Variants in OR8J1 observed in about 807,000 individuals in gnomAD.
OR8J1 encodes olfactory receptor 8J1.
For missense variants in OR8J1, 400 were observed against 373.0 expected (o/e 1.07, Z -0.60); for synonymous variants, 157 against 144.3 (o/e 1.09, Z -0.63).
intron 1 of OR8J1, among the ~76,000 whole-genome samples, chr11:56,358,636 GT>G (rs1852593027): frequency 6.6e-6 from 1 of 152,144 alleles, no homozygotes; most frequent in African/African-American, 2.4e-5. Flanking sequence ...AACATACCAT[GT>G]GAAAATATTC....
chr11:56,360,937 T>C lies in OR8J1; in HGVS notation c.691T>C (p.Ser231Pro), dbSNP rs1852630171. The change falls in exon 2 of 2, where the codon TCA becomes CCA. Residue 231 changes from serine (S) to proline (P), a missense_variant. By Grantham distance (74) the Ser-to-Pro change is moderately conservative (BLOSUM62 -1). Coordinates refer to ENST00000533152, the MANE Select transcript of OR8J1 (RefSeq NM_001005205.3). ...TTTGTCTATTTTAAAAATATGTTCA[T>C]CAGAAGGAAGGAAAAAAGCCTTTTC... is the stretch of plus-strand genomic sequence containing the variant. ...IVLSILKICS[S>P]EGRKKAFSTC... The C allele has an allele frequency of 6.7e-7, 1 of 1,482,992 alleles. No homozygotes were observed. Among genetic ancestry groups the C allele is most frequent in the Non-Finnish European group, 8.9e-7 (1 of 1,120,326 alleles). 91.9% of individuals were successfully genotyped at this position (1,482,992 alleles called of 1,614,324 possible).
In OR8J1 at chr11:56,357,380, A is replaced by T. The variant is rs1186191976; in HGVS notation, c.-20-2847A>T. The T allele has an allele frequency of 1.8e-5, 14 of 766,328 alleles. No individual in the cohort carries two copies. In the East Asian group the frequency reaches 3.5e-4, roughly 19 times the overall value. The allele number at this position is 766,328 out of a possible 1,614,324, so 47.5% of individuals were successfully genotyped here. Reference sequence around the variant, plus strand: ...TACTTTAAGAGATATACCAAGTGAAATTTAGAAGACGACGAGAGGGTAAAA... The same window carrying T: ...TACTTTAAGAGATATACCAAGTGAATTTTAGAAGACGACGAGAGGGTAAAA... On this transcript the variant is annotated intron_variant, in intron 1 of 1. Transcript: ENST00000533152.
intron 1 of OR8J1, among the ~76,000 whole-genome samples, chr11:56,359,650 A>G (rs965338170): frequency 6.6e-6 from 1 of 152,132 alleles, no homozygotes; most frequent in African/African-American, 2.4e-5. Flanking sequence ...AATAAATGTG[A>G]GGGCATATCT....
intron 1 of OR8J1, 55 bp from the exon 2 acceptor site, chr11:56,360,172 G>T: frequency 6.0e-6 from 7 of 1,164,994 alleles, no homozygotes; most frequent in Non-Finnish European, 7.3e-6. Context: ...GCCATATAAG[G>T]GCAGTCCTGC....
rs1565120968 is a variant in OR8J1, at chr11:56,360,620, C to T, written c.374C>T (p.Ala125Val). The change falls in exon 2 of 2, where the codon GCT (alanine) becomes GTT (valine). Residue 125 changes from alanine to valine, a missense_variant. Coordinates refer to ENST00000533152, the MANE Select transcript of OR8J1 (RefSeq NM_001005205.3). ...TTGATGGCCTATGACCGCTATGTGGCTATTTGTAACCCTCTGCTGTACATG... is the reference window on the plus strand; with the variant it reads ...TTGATGGCCTATGACCGCTATGTGGTTATTTGTAACCCTCTGCTGTACATG... ...LALMAYDRYV[A>V]ICNPLLYMVV... 6.2e-7 allele frequency: 1 copy of T among 1,613,216 alleles called. No individual in the cohort carries two copies. Among genetic ancestry groups the T allele is most frequent in the East Asian group, 2.2e-5 (1 of 44,864 alleles).
chr11:56,360,326 T>A lies in OR8J1; in HGVS notation c.80T>A (p.Leu27His). The A allele has an allele frequency of 6.2e-7, 1 of 1,613,974 alleles. No homozygotes were observed. The highest frequency in any genetic ancestry group is 1.7e-5 in the Admixed American group (1 of 59,978). ...VSSCPELQIP[L>H]FLVFLVLYGL... Reference sequence around the variant, plus strand: ...AGCTGTCCAGAGCTCCAGATTCCCCTCTTCCTGGTCTTTCTGGTGCTCTAT... The same window carrying A: ...AGCTGTCCAGAGCTCCAGATTCCCCACTTCCTGGTCTTTCTGGTGCTCTAT... Residue 27 changes from leucine (L) to histidine (H), a missense_variant, in exon 2 of 2, where the codon CTC becomes CAC. Transcript: ENST00000533152.
At chr11:56,357,694 A>G (rs745760639) in intron 1 of OR8J1, 132 of 1,584,880 alleles carry the variant, frequency 8.3e-5, no homozygotes, top group Non-Finnish European at 1.1e-4. Context: ...GGCCAAGTGG[A>G]GGCGACTAGT....
At position 56,361,097 on chromosome 11, in the gene OR8J1, C is replaced by A; in HGVS notation, c.851C>A (p.Pro284His). Residue 284 changes from proline (P) to histidine (H), a missense_variant, in exon 2 of 2, where the codon CCT (proline) becomes CAT (histidine). Physicochemically the swap from Pro to His is moderately conservative, Grantham distance 77 (BLOSUM62 -2). Coordinates refer to ENST00000533152, the MANE Select transcript of OR8J1 (RefSeq NM_001005205.3). ...TCTGTGTTTTACACGTTGGTAATTC[C>A]TATGCTGAATCCCTTGATCTACAGC... ...MASVFYTLVIPMLNPLIYSLR... is the reference protein window; with the variant it reads ...MASVFYTLVIHMLNPLIYSLR... The A allele has an allele frequency of 6.6e-7, 1 of 1,511,916 alleles. No individual in the cohort carries two copies. Among genetic ancestry groups the A allele is most frequent in the South Asian group, 1.4e-5 (1 of 69,894 alleles). 93.7% of individuals were successfully genotyped at this position (1,511,916 alleles called of 1,614,324 possible). A position where few individuals can be genotyped will look rare whatever the true frequency, so the allele number is the denominator to read the frequency against.
chr11:56,357,699 A>G (rs1236952231), intron 1 of OR8J1: 1 of 1,585,160 alleles, frequency 6.3e-7, no homozygotes, highest in Non-Finnish European at 8.6e-7. Flanking sequence ...AGTGGAGGCG[A>G]CTAGTGATGA....
rs919216713 is a variant in OR8J1 at position 56,361,008 on chromosome 11, A to T, written c.762A>T (p.Thr254=). 2.0e-6 allele frequency: 3 copies of T among 1,495,482 alleles called. No homozygotes were observed. Among genetic ancestry groups the T allele is most frequent in the East Asian group, 4.7e-5 (2 of 42,206 alleles). 92.6% of individuals were successfully genotyped at this position (1,495,482 alleles called of 1,614,324 possible). ...TGGCAGTCACAATTTTTTATGGGAC[A>T]TTGCTATTCATGTATGTGCAGCCCC... is the stretch of plus-strand genomic sequence containing the variant. ...HMMAVTIFYG[T]LLFMYVQPRS... Residue 254 remains threonine, a synonymous_variant, in exon 2 of 2, where the codon ACA becomes ACT. Transcript: ENST00000533152.
chr11:56,355,731 C>T (rs988038817), intron 1 of OR8J1, among the ~76,000 whole-genome samples: 10 of 152,248 alleles, frequency 6.6e-5, no homozygotes, highest in East Asian at 1.9e-4. Context: ...TATCTTTCTA[C>T]GCTCTCAATT....
chr11:56,358,903 A>C (rs1051113050), intron 1 of OR8J1, among the ~76,000 whole-genome samples: 14 of 152,188 alleles, frequency 9.2e-5, no homozygotes, highest in African/African-American at 3.1e-4. Flanking sequence ...GTTTGGTTTG[A>C]GAATCAAACT....
chr11:56,360,511 A>G lies in OR8J1; in HGVS notation c.265A>G (p.Lys89Glu). 1 of 1,614,172 alleles carries G rather than the reference A, an allele frequency of 6.2e-7. No individual in the cohort carries two copies. Among genetic ancestry groups the G allele is most frequent in the Non-Finnish European group, 8.5e-7 (1 of 1,180,026 alleles). Residue 89 changes from lysine (K) to glutamate (E), a missense_variant, in exon 2 of 2, where the codon AAG becomes GAG. Coordinates refer to ENST00000533152, the MANE Select transcript of OR8J1 (RefSeq NM_001005205.3). Reference sequence around the variant, plus strand: ...AATGCTGATTAACTTTTTAGTAAAGAAGAAAACTACCTCATTCTATGAATG... The same window carrying G: ...AATGCTGATTAACTTTTTAGTAAAGGAGAAAACTACCTCATTCTATGAATG... ...PKMLINFLVKKKTTSFYECAT... is the reference protein window; with the variant it reads ...PKMLINFLVKEKTTSFYECAT...
Position 56,361,096 on chromosome 11 carries a change from C to A in OR8J1, c.850C>A (p.Pro284Thr). The A allele has an allele frequency of 6.6e-7, 1 of 1,510,526 alleles. No homozygotes were observed. The highest frequency in any genetic ancestry group is 8.8e-7 in the Non-Finnish European group (1 of 1,137,368). 93.6% of individuals were successfully genotyped at this position (1,510,526 alleles called of 1,614,324 possible). The change falls in exon 2 of 2, where the codon CCT (proline) becomes ACT (threonine). Residue 284 changes from proline to threonine, a missense_variant. Transcript: ENST00000533152. ...TTCTGTGTTTTACACGTTGGTAATTCCTATGCTGAATCCCTTGATCTACAG... is the reference window on the plus strand; with the variant it reads ...TTCTGTGTTTTACACGTTGGTAATTACTATGCTGAATCCCTTGATCTACAG... ...MASVFYTLVI[P>T]MLNPLIYSLR...
At chr11:56,355,067 G>T (rs559919799) in intron 1 of OR8J1, among the ~76,000 whole-genome samples, 1 of 151,786 alleles carries the variant, frequency 6.6e-6, no homozygotes, top group African/African-American at 2.4e-5. Flanking sequence ...ATTATCAAGA[G>T]GAATATAGAA....
At chr11:56,360,165 A>G in intron 1 of OR8J1, 62 bp from the exon 2 acceptor site, 2 of 1,094,630 alleles carry the variant, frequency 1.8e-6, no homozygotes, top group South Asian at 1.6e-5. Context: ...TGTCCTAGCC[A>G]TATAAGGGCA....
rs370213627 is a variant in OR8J1 at position 56,360,943 on chromosome 11, G to A, written c.697G>A (p.Gly233Arg). 5 of 1,474,620 alleles carry A rather than the reference G, an allele frequency of 3.4e-6. No homozygotes were observed. Among genetic ancestry groups the A allele is most frequent in the African/African-American group, 2.9e-5 (2 of 69,144 alleles). The allele number at this position is 1,474,620 out of a possible 1,614,324, so 91.3% of individuals were successfully genotyped here. The stretch of plus-strand genomic sequence containing the variant: ...TATTTTAAAAATATGTTCATCAGAA[G>A]GAAGGAAAAAAGCCTTTTCTACCTG... ...LSILKICSSE[G>R]RKKAFSTCAS... The change falls in exon 2 of 2, where the codon GGA becomes AGA. Residue 233 changes from glycine (G) to arginine (R), a missense_variant. Transcript: ENST00000533152.
chr11:56,359,704 C>A (rs545277185), intron 1 of OR8J1, among the ~76,000 whole-genome samples: 1 of 152,108 alleles, frequency 6.6e-6, no homozygotes, highest in African/African-American at 2.4e-5. Flanking sequence ...AGAGAAAAAG[C>A]AAACAGACAT....
intron 1 of OR8J1, chr11:56,357,892 T>C: frequency 1.2e-6 from 1 of 868,022 alleles, no homozygotes; most frequent in South Asian, 1.3e-5. Context: ...AGCAAGGGAT[T>C]TAATGCAGAA....
Sources: gnomAD v4.1 joint callset for allele counts (sites outside exome capture counted in the v4.1 genomes callset) on GRCh38, gnomAD v4.1.1 for gene constraint, MANE v1.5 for transcripts, NCBI Gene and HGNC (gene_info 2026-07-23, HGNC 2026-07-21) for gene names.